The following SLC25A13 variants were observed in gnomAD, a reference collection of about 807,000 sequenced individuals.
SLC25A13 encodes the protein electrogenic aspartate/glutamate antiporter SLC25A13, mitochondrial.
Under a neutral mutation model 85.5 loss-of-function variants are expected in SLC25A13, and 70 were observed. The observed-to-expected ratio is 0.82, with a 90% CI of 0.68 to 1.00. SLC25A13 has a LOEUF of 1.00. Among genes scored for constraint, SLC25A13 ranks in the 50% least tolerant of loss-of-function variants. The probability of loss-of-function intolerance (pLI) is 0.00; values close to 1 mark genes in which losing one functional copy is unlikely to be tolerated. For synonymous variants in SLC25A13, 259 were observed against 288.7 expected (o/e 0.90, Z 1.04); for missense variants, 765 against 819.8 (o/e 0.93, Z 0.82).
intron 1 of SLC25A13, 46 bp from the exon 2 acceptor site, chr7:96,296,997 G>C (rs753413624): frequency 1.3e-6 from 2 of 1,507,294 alleles, no homozygotes; most frequent in Non-Finnish European, 1.8e-6. Context: ...ACAAAGCTGA[G>C]AAATCAAGCT....
At chr7:96,316,067 T>C (rs1418137448) in intron 1 of SLC25A13, among the ~76,000 whole-genome samples, 2 of 151,420 alleles carry the variant, frequency 1.3e-5, no homozygotes, top group South Asian at 2.1e-4. Context: ...TAGGCTAGAG[T>C]GAGCAATAAT....
At chr7:96,281,677 G>A (rs1316641496) in intron 2 of SLC25A13, among the ~76,000 whole-genome samples, 1 of 152,142 alleles carries the variant, frequency 6.6e-6, no homozygotes, top group Non-Finnish European at 1.5e-5. Flanking sequence ...CTGTACATTT[G>A]TGATGTATGC....
At chr7:96,185,119 A>G (rs1318169492) in intron 9 of SLC25A13, 108 bp from the exon 10 acceptor site, 3 of 732,100 alleles carry the variant, frequency 4.1e-6, no homozygotes, top group Admixed American at 2.8e-5. Context: ...TGGGTTCTAA[A>G]TCCATGATAC....
intron 3 of SLC25A13, among the ~76,000 whole-genome samples, chr7:96,240,066 G>A (rs1433857311): frequency 1.3e-5 from 2 of 152,162 alleles, no homozygotes; most frequent in African/African-American, 4.8e-5. Context: ...CTTCACTGTA[G>A]CGTAACTTTA....
intron 13 of SLC25A13, among the ~76,000 whole-genome samples, chr7:96,152,902 C>T (rs1015703789): frequency 6.6e-6 from 1 of 152,108 alleles, no homozygotes; most frequent in East Asian, 1.9e-4. Context: ...AACGAGAATG[C>T]TGGGGAATGA....
At chr7:96,155,824 C>G (rs1793240548) in intron 13 of SLC25A13, among the ~76,000 whole-genome samples, 1 of 152,174 alleles carries the variant, frequency 6.6e-6, no homozygotes, top group East Asian at 1.9e-4. Context: ...CTCCTTCAAT[C>G]CCCCAATCAT....
intron 11 of SLC25A13, among the ~76,000 whole-genome samples, chr7:96,172,178 T>A (rs1370943057): frequency 1.3e-5 from 2 of 152,218 alleles, no homozygotes; most frequent in African/African-American, 4.8e-5. Flanking sequence ...GAGAGGTCAC[T>A]AGCTTGAATG....
intron 13 of SLC25A13, among the ~76,000 whole-genome samples, chr7:96,158,706 C>T (rs536735056): frequency 8.5e-5 from 13 of 152,268 alleles, no homozygotes; most frequent in Non-Finnish European, 1.8e-4. Context: ...AACCCAAATA[C>T]ATTATTTTGA....
intron 13 of SLC25A13, among the ~76,000 whole-genome samples, chr7:96,152,103 T>C (rs1793074173): frequency 6.6e-6 from 1 of 152,172 alleles, no homozygotes; most frequent in African/African-American, 2.4e-5. Context: ...ACACTTACAG[T>C]TCTTATCATG....
rs961482670 is a variant in SLC25A13 at position 96,321,945 on chromosome 7, G to A, written c.12C>T (p.Ala4=). 49 of 1,541,194 alleles carry A rather than the reference G, an allele frequency of 3.2e-5. No individual in the cohort carries two copies. Among genetic ancestry groups the A allele is most frequent in the Non-Finnish European group, 4.0e-5 (46 of 1,146,424 alleles). The part of the protein sequence containing the change: MAA[A]KVALTKRADP... Reference sequence around the variant, plus strand: ...CCGGCCTCGGGCCCGCGGTTACCTTGGCGGCCGCCATGATTCGCCCCGGTT... The same window carrying A: ...CCGGCCTCGGGCCCGCGGTTACCTTAGCGGCCGCCATGATTCGCCCCGGTT... The change falls in exon 1 of 18, where the codon GCC becomes GCT. Residue 4 remains alanine, a synonymous_variant. Transcript: ENST00000265631.
rs578211328 is a variant in SLC25A13 at position 96,127,385 on chromosome 7, G to A, written c.1591+4358C>T. Reference sequence around the variant, plus strand: ...GTCTTGTTCTATCTTGTGAAATAACGGAGTAGATGTTCCAGTATTTAAATA... The same window carrying A: ...GTCTTGTTCTATCTTGTGAAATAACAGAGTAGATGTTCCAGTATTTAAATA... On this transcript the variant is annotated intron_variant, in intron 15 of 17. Coordinates refer to ENST00000265631, the MANE Select transcript of SLC25A13 (RefSeq NM_014251.3). Among the ~76,000 whole-genome samples the A allele has an allele frequency of 1.1e-4, 16 of 152,146 alleles. No homozygotes were observed. In the East Asian group the frequency reaches 1.7e-3, roughly 17 times the overall value.
intron 4 of SLC25A13, among the ~76,000 whole-genome samples, chr7:96,231,435 G>T (rs1796535261): frequency 6.6e-6 from 1 of 152,016 alleles, no homozygotes; most frequent in Non-Finnish European, 1.5e-5. Flanking sequence ...ATTAAAAAGT[G>T]GGGGAAAGGC....
intron 4 of SLC25A13, among the ~76,000 whole-genome samples, chr7:96,216,158 GAA>G (rs896112987): frequency 1.7e-5 from 2 of 116,590 alleles, no homozygotes. Flanking sequence ...TGTCTCAAAA[GAA>G]AAAAAAAAAA....
At chr7:96,216,973 T>C (rs183311405) in intron 4 of SLC25A13, among the ~76,000 whole-genome samples, 14 of 152,104 alleles carry the variant, frequency 9.2e-5, no homozygotes, top group East Asian at 7.7e-4. Flanking sequence ...AGAAAAACTT[T>C]GCAAGTCACA....
chr7:96,304,480 A>G (rs545516427), intron 1 of SLC25A13, among the ~76,000 whole-genome samples: 15 of 152,356 alleles, frequency 9.8e-5, no homozygotes, highest in African/African-American at 3.4e-4. Context: ...GAGGCAGAGT[A>G]TAACAGTTAA....
chr7:96,194,461 A>AAAAAAAAAAAAAAAAAAAAAAC (rs1562832900), intron 5 of SLC25A13, among the ~76,000 whole-genome samples: 1 of 148,482 alleles, frequency 6.7e-6, no homozygotes, highest in Non-Finnish European at 1.5e-5. Context: ...AAAAAAAAAA[A>AAAAAAAAAAAAAAAAAAAAAAC]AAAAAAGGAA....
intron 4 of SLC25A13, among the ~76,000 whole-genome samples, chr7:96,229,552 G>A (rs1241498654): frequency 1.3e-5 from 2 of 152,062 alleles, no homozygotes; most frequent in Non-Finnish European, 2.9e-5. Context: ...AATAAATCTT[G>A]CTGCTGCTCA....
intron 2 of SLC25A13, among the ~76,000 whole-genome samples, chr7:96,280,770 G>A (rs749067110): frequency 2.0e-4 from 30 of 151,824 alleles, no homozygotes; most frequent in Non-Finnish European, 2.2e-4. Context: ...CCAAGATAAC[G>A]AAAAAGAATA....
intron 1 of SLC25A13, among the ~76,000 whole-genome samples, chr7:96,301,519 T>C (rs558144599): frequency 1.8e-4 from 27 of 152,286 alleles, no homozygotes; most frequent in African/African-American, 6.3e-4. Context: ...AGGGGTCCTT[T>C]ACAGATTACT....
Sources: gnomAD v4.1 joint callset for allele counts (sites outside exome capture counted in the v4.1 genomes callset) on GRCh38, gnomAD v4.1.1 for gene constraint, MANE v1.5 for transcripts, NCBI Gene and HGNC (gene_info 2026-07-23, HGNC 2026-07-21) for gene names.